PSMD13: variants seen among roughly 807,000 people sequenced by gnomAD.
PSMD13 encodes proteasome 26S subunit, non-ATPase 13, also known as 26S proteasome non-ATPase regulatory subunit 13.
Under a neutral mutation model 57.4 loss-of-function variants are expected in PSMD13, and 8 were observed. The observed-to-expected ratio is 0.14, with a 90% CI of 0.08 to 0.25. PSMD13 has a LOEUF of 0.25. Among genes scored for constraint, PSMD13 ranks in the 10% least tolerant of loss-of-function variants. The pLI is 1.00. For synonymous variants in PSMD13, 193 were observed against 168.2 expected (o/e 1.15, Z -1.14); for missense variants, 400 against 461.5 (o/e 0.87, Z 1.22).
At chr11:237,186 G>A in intron 1 of PSMD13, 42 bp downstream of exon 1, 6 of 1,564,814 alleles carry the variant, frequency 3.8e-6, no homozygotes, top group Non-Finnish European at 5.2e-6. Context: ...GGCGATAGAG[G>A]GAGACGGAGG....
intron 9 of PSMD13, among the ~76,000 whole-genome samples, chr11:249,850 A>G (rs1261193842): frequency 6.6e-6 from 1 of 152,168 alleles, no homozygotes; most frequent in Non-Finnish European, 1.5e-5. Flanking sequence ...TGAAACTTTC[A>G]ATTTTCTCAG....
chr11:252,387 G>T lies in PSMD13; in HGVS notation c.1036-118G>T. 1 of 898,122 alleles carries T rather than the reference G, an allele frequency of 1.1e-6. No individual in the cohort carries two copies. The highest frequency in any genetic ancestry group is 1.4e-5 in the South Asian group (1 of 69,086). The allele number at this position is 898,122 out of a possible 1,614,324, so 55.6% of individuals were successfully genotyped here. The stretch of plus-strand genomic sequence containing the variant: ...CCCAGCTCAGAGGTCCTTTTTACTA[G>T]AGCTGCCCTAGAGAGTTAGCTGGAG... On this transcript the variant is annotated intron_variant, in intron 12 of 12. Coordinates refer to ENST00000532097, the MANE Select transcript of PSMD13 (RefSeq NM_002817.4). This position sits in a 1 kb window ranked among gnomAD's most constrained non-coding sequence, Gnocchi z 4.1.
At chr11:249,549 G>A (rs944692372) in intron 9 of PSMD13, among the ~76,000 whole-genome samples, 1 of 136,290 alleles carries the variant, frequency 7.3e-6, no homozygotes, top group Non-Finnish European at 1.6e-5. Context: ...GTGCAGGGAG[G>A]GGGAGAGCGG....
chr11:246,739 T>C (rs1590251366), intron 6 of PSMD13, among the ~76,000 whole-genome samples: 2 of 152,214 alleles, frequency 1.3e-5, no homozygotes, highest in East Asian at 3.8e-4. Flanking sequence ...TAACTCTTGC[T>C]GATCTAATAG....
At position 252,544 on chromosome 11, in the gene PSMD13, G is replaced by C. The variant is rs1395438897; in HGVS notation, c.1075G>C (p.Asp359His). The C allele has an allele frequency of 6.2e-7, 1 of 1,613,950 alleles. No individual in the cohort carries two copies. Among genetic ancestry groups the C allele is most frequent in the Non-Finnish European group, 8.5e-7 (1 of 1,179,956 alleles). ...MKDRLEFWCT[D>H]VKSMEMLVEH... ...GGACCGCCTGGAGTTCTGGTGCACGGATGTGAAGAGCATGGAGATGCTGGT... is the reference window on the plus strand; with the variant it reads ...GGACCGCCTGGAGTTCTGGTGCACGCATGTGAAGAGCATGGAGATGCTGGT... Residue 359 changes from aspartate (D) to histidine (H), a missense_variant, in exon 13 of 13, where the codon GAT becomes CAT. Coordinates refer to ENST00000532097, the MANE Select transcript of PSMD13 (RefSeq NM_002817.4). This position sits in a 1 kb window ranked among gnomAD's most constrained non-coding sequence, Gnocchi z 4.1.
chr11:239,923 G>T (rs142899275), intron 2 of PSMD13, among the ~76,000 whole-genome samples: 18 of 151,736 alleles, frequency 1.2e-4, no homozygotes, highest in Admixed American at 2.6e-4. Context: ...TTATATGCTC[G>T]CAATAGAGCT....
intron 9 of PSMD13, 64 bp downstream of exon 9, chr11:249,121 T>C (rs1227533785): frequency 8.2e-6 from 13 of 1,592,952 alleles, no homozygotes; most frequent in Non-Finnish European, 1.1e-5. Context: ...ACAACAGATG[T>C]TCATTGAGCG....
At chr11:249,150 G>A (rs1052508942) in intron 9 of PSMD13, 93 bp downstream of exon 9, 2 of 1,549,254 alleles carry the variant, frequency 1.3e-6, no homozygotes, top group Non-Finnish European at 1.8e-6. Context: ...AGGCACACAG[G>A]AAAGAACAGG....
chr11:246,523 T>G (rs181358959), intron 6 of PSMD13, among the ~76,000 whole-genome samples: 1 of 152,264 alleles, frequency 6.6e-6, no homozygotes, highest in Admixed American at 6.5e-5. Flanking sequence ...AGATTTAGGT[T>G]GTTTTTTTTA....
chr11:248,596 A>G (rs1472858597), intron 7 of PSMD13, 180 bp from the exon 8 acceptor site: 3 of 622,468 alleles, frequency 4.8e-6, no homozygotes, highest in East Asian at 5.5e-5. Context: ...CCATGTATAT[A>G]TGGTTCTTGG....
chr11:252,285 T>C lies in PSMD13; in HGVS notation c.1036-220T>C, dbSNP rs1185031766. On this transcript the variant is annotated intron_variant, in intron 12 of 12. Coordinates refer to ENST00000532097, the MANE Select transcript of PSMD13 (RefSeq NM_002817.4). This position sits in a 1 kb window ranked among gnomAD's most constrained non-coding sequence, Gnocchi z 4.1. ...GCGATCCTGTGGATTTCCTCTGTCC[T>C]TGTCTGCTTTCTTTCATGCAAGTTT... The C allele has an allele frequency of 5.4e-6, 3 of 550,856 alleles. No homozygotes were observed. Among genetic ancestry groups the C allele is most frequent in the South Asian group, 2.2e-5 (1 of 45,594 alleles). The allele number at this position is 550,856 out of a possible 1,614,324, so 34.1% of individuals were successfully genotyped here.
intron 2 of PSMD13, among the ~76,000 whole-genome samples, chr11:240,100 G>GTTTTTTTTTTTTTT (rs1564820130): frequency 4.5e-5 from 2 of 44,486 alleles, no homozygotes; most frequent in African/African-American, 1.2e-4. Context: ...AATGAGACCT[G>GTTTTTTTTTTTTTT]CTTTTTTTTT....
intron 9 of PSMD13, among the ~76,000 whole-genome samples, chr11:249,594 GA>G: frequency 4.1e-5 from 4 of 97,598 alleles, no homozygotes; most frequent in Admixed American, 1.1e-4. Context: ...CGGGTGCGGG[GA>G]GGGGGAGAGC....
At chr11:246,400 G>C (rs539609357) in intron 6 of PSMD13, among the ~76,000 whole-genome samples, 120 of 152,296 alleles carry the variant, frequency 7.9e-4, no homozygotes, top group Admixed American at 2.9e-3. Context: ...CACTCGGGAG[G>C]CTGAGGCAGC....
rs1859259799 is a variant in PSMD13, at chr11:237,023, T to C, written c.-27T>C. ...CGCGGTGCTGACATCCCGGTTGTTC[T>C]TCTGTGCCGGGGGTCTTCCTGCTGT... On this transcript the variant is annotated 5_prime_UTR_variant, in exon 1 of 13. Transcript: ENST00000532097. 6.3e-7 allele frequency: 1 copy of C among 1,578,472 alleles called. No individual in the cohort carries two copies. The highest frequency in any genetic ancestry group is 1.3e-5 in the African/African-American group (1 of 74,170).
At position 239,091 on chromosome 11, in the gene PSMD13, A is replaced by G. The variant is rs1299019056; in HGVS notation, c.174+15A>G. 4 of 1,600,734 alleles carry G rather than the reference A, an allele frequency of 2.5e-6. No individual in the cohort carries two copies. The highest frequency in any genetic ancestry group is 1.1e-5 in the South Asian group (1 of 90,816). Reference sequence around the variant, plus strand: ...GTCTCATTAAGGTAAATAATTTGCTATACCAGATTAGATTATATGAATGTG... The same window carrying G: ...GTCTCATTAAGGTAAATAATTTGCTGTACCAGATTAGATTATATGAATGTG... On this transcript the variant is annotated intron_variant, in intron 2 of 12. Transcript: ENST00000532097.
At chr11:248,636 A>C in intron 7 of PSMD13, 140 bp from the exon 8 acceptor site, 2 of 776,204 alleles carry the variant, frequency 2.6e-6, no homozygotes, top group South Asian at 3.4e-5. Flanking sequence ...ATACTTCAGA[A>C]GAGGTGACTA....
chr11:249,112 C>A, intron 9 of PSMD13, 55 bp downstream of exon 9: 1 of 1,597,908 alleles, frequency 6.3e-7, no homozygotes, highest in Non-Finnish European at 8.5e-7. Flanking sequence ...CTCGCTCATA[C>A]AACAGATGTT....
At chr11:243,523 C>T (rs1590248263) in intron 2 of PSMD13, 1 of 328,748 alleles carries the variant, frequency 3.0e-6, no homozygotes, top group South Asian at 2.6e-5. Context: ...GGATTTTCAA[C>T]AGCCTTACTT....
Sources: gnomAD v4.1 joint callset for allele counts (sites outside exome capture counted in the v4.1 genomes callset) on GRCh38, gnomAD v4.1.1 for gene constraint, Gnocchi (gnomAD v3.1) non-coding constraint, MANE v1.5 for transcripts, NCBI Gene and HGNC (gene_info 2026-07-23, HGNC 2026-07-21) for gene names.